Variants in KIR2DL3 observed in about 807,000 individuals in gnomAD.
The protein encoded by KIR2DL3 is killer cell immunoglobulin-like receptor 2DL3.
In KIR2DL3, 39 loss-of-function variants were observed where a neutral mutation model predicts 33.8. The observed-to-expected ratio is 1.15, with a 90% CI of 0.89 to 1.51. The LOEUF is 1.51. KIR2DL3 is among the 40% of genes most tolerant of loss of function. The pLI, the probability that KIR2DL3 is intolerant of heterozygous loss-of-function variation, is 0.00. For synonymous variants in KIR2DL3, 174 were observed against 160.2 expected, an observed-to-expected ratio of 1.09 and a Z score of -0.65; for missense variants, 462 against 426.2, an observed-to-expected ratio of 1.08 and a Z score of -0.74.
At position 54,738,518 on chromosome 19, in the gene KIR2DL3, G is replaced by A. The variant is rs111826346; in HGVS notation, c.-28G>A. ...GTGCGCTGCTGAGCTGAGCTGGGGCGCGGCCGCCTGTCTGCACAGACAGCA... is the reference window on the plus strand; with the variant it reads ...GTGCGCTGCTGAGCTGAGCTGGGGCACGGCCGCCTGTCTGCACAGACAGCA... On this transcript the variant is annotated 5_prime_UTR_variant, in exon 1 of 8. Coordinates refer to ENST00000342376, the MANE Select transcript of KIR2DL3 (RefSeq NM_015868.3). 6.7e-4 allele frequency: 1,075 copies of A among 1,613,980 alleles called. 9 individuals carry two copies. The Admixed American group carries it at 0.014, about 22-fold the overall frequency.
intron 1 of KIR2DL3, 84 bp downstream of exon 1, chr19:54,738,663 G>A: frequency 1.9e-6 from 3 of 1,593,596 alleles, no homozygotes; most frequent in Admixed American, 1.7e-5. Flanking sequence ...TGGAAGTGGA[G>A]TTATGGGCCT....
At chr19:54,747,819 C>T (rs1262959491) in intron 5 of KIR2DL3, among the ~76,000 whole-genome samples, 1 of 145,712 alleles carries the variant, frequency 6.9e-6, no homozygotes, top group Admixed American at 6.9e-5. Flanking sequence ...AGCAGAGCAA[C>T]AGCCTTGCCG....
In KIR2DL3 at chr19:54,743,906, C is replaced by T. The variant is rs2071695455; in HGVS notation, c.482C>T (p.Ser161Phe). ...SRSSYDMYHL[S>F]REGEAHERRF... is the part of the protein sequence containing the mutation. Reference sequence around the variant, plus strand: ...AGCTCCTATGACATGTACCATCTATCCAGGGAGGGGGAGGCCCATGAACGT... The same window carrying T: ...AGCTCCTATGACATGTACCATCTATTCAGGGAGGGGGAGGCCCATGAACGT... Residue 161 changes from serine to phenylalanine, a missense_variant, in exon 4 of 8, where the codon TCC becomes TTC. Ser to Phe is a radical substitution (Grantham distance 155). Coordinates refer to ENST00000342376, the MANE Select transcript of KIR2DL3 (RefSeq NM_015868.3). The T allele has an allele frequency of 6.2e-7, 1 of 1,614,088 alleles. No homozygotes were observed. Among genetic ancestry groups the T allele is most frequent in the Non-Finnish European group, 8.5e-7 (1 of 1,180,000 alleles).
At position 54,743,937 on chromosome 19, in the gene KIR2DL3, C is replaced by T. The variant is rs201689798; in HGVS notation, c.513C>T (p.Phe171=). Residue 171 remains phenylalanine (F), a synonymous_variant, in exon 4 of 8, where the codon TTC becomes TTT. Transcript: ENST00000342376. ...SREGEAHERR[F]SAGPKVNGTF... is the part of the protein sequence containing the mutation. ...AGGGGGAGGCCCATGAACGTAGGTT[C>T]TCTGCAGGGCCCAAGGTCAACGGAA... 6.2e-7 allele frequency: 1 copy of T among 1,614,174 alleles called. No homozygotes were observed. The highest frequency in any genetic ancestry group is 2.2e-5 in the East Asian group (1 of 44,886).
chr19:54,740,507 G>C (rs1354104956), intron 2 of KIR2DL3, among the ~76,000 whole-genome samples: 1 of 150,460 alleles, frequency 6.6e-6, no homozygotes, highest in African/African-American at 2.4e-5. Context: ...CACTCCCCCA[G>C]TGGGTGGTCA....
At chr19:54,741,505 G>C (rs1442940853) in intron 2 of KIR2DL3, among the ~76,000 whole-genome samples, 1 of 151,730 alleles carries the variant, frequency 6.6e-6, no homozygotes. Flanking sequence ...TGGCACCATG[G>C]AGAAGGCACA....
intron 5 of KIR2DL3, among the ~76,000 whole-genome samples, chr19:54,750,313 T>G (rs1321681935): frequency 7.1e-6 from 1 of 140,454 alleles, no homozygotes; most frequent in Non-Finnish European, 1.6e-5. Flanking sequence ...CTGCTCCCCT[T>G]TCCTACTAAT....
intron 4 of KIR2DL3, among the ~76,000 whole-genome samples, chr19:54,744,946 A>ATT (rs2072158208): frequency 3.8e-5 from 1 of 26,208 alleles, no homozygotes; most frequent in African/African-American, 1.3e-4. Context: ...ATATATATAT[A>ATT]TATATATATT....
rs866678775 is a variant in KIR2DL3 at position 54,741,545 on chromosome 19, C to G, written c.71-435C>G. ...TGGCAAGAGTGGCTCCCAGTCCCCA[C>G]CAGGAACAGGGTGTGTGGACACTGG... On this transcript the variant is annotated intron_variant, in intron 2 of 7. Transcript: ENST00000342376. Among the ~76,000 whole-genome samples, 1,289 of 152,030 alleles carry G rather than the reference C, an allele frequency of 8.5e-3. 16 individuals carry two copies. Among genetic ancestry groups the G allele is most frequent in the African/African-American group, 0.029 (1,219 of 41,448 alleles).
chr19:54,747,318 C>A lies in KIR2DL3; in HGVS notation c.665-17C>A, dbSNP rs746870717. ...GACACCCTCATTTCCTCACCTCTCT[C>A]CTGTCTCGTGTTCTAGGAAACCCTT... is the stretch of plus-strand genomic sequence containing the variant. On this transcript the variant is annotated splice_polypyrimidine_tract_variant and intron_variant, in intron 4 of 7. Coordinates refer to ENST00000342376, the MANE Select transcript of KIR2DL3 (RefSeq NM_015868.3). 12 of 1,610,526 alleles carry A rather than the reference C, an allele frequency of 7.5e-6. No homozygotes were observed. The South Asian group carries it at 1.3e-4, about 18-fold the overall frequency.
chr19:54,740,462 AC>A (rs34928845), intron 2 of KIR2DL3, among the ~76,000 whole-genome samples: 40,821 of 145,666 alleles, frequency 0.28, 5,086 homozygotes, highest in South Asian at 0.37. Context: ...ACCCCCGCAC[AC>A]ACAGGGACAT....
chr19:54,744,948 ATATATATTTTTTTT>A (rs1363217525), intron 4 of KIR2DL3, among the ~76,000 whole-genome samples: 7 of 26,254 alleles, frequency 2.7e-4, no homozygotes, highest in African/African-American at 5.3e-4. Flanking sequence ...ATATATATAT[ATATATATTTTTTTT>A]TTTTTTTTTT....
chr19:54,742,422 A>G lies in KIR2DL3; in HGVS notation c.370+143A>G, dbSNP rs573423348. 2.3e-5 allele frequency: 28 copies of G among 1,228,482 alleles called. 1 individual carries two copies. In the African/African-American group the frequency reaches 3.2e-4, roughly 14 times the overall value. 76.1% of individuals were successfully genotyped at this position (1,228,482 alleles called of 1,614,324 possible). On this transcript the variant is annotated intron_variant, in intron 3 of 7. Coordinates refer to ENST00000342376, the MANE Select transcript of KIR2DL3 (RefSeq NM_015868.3). ...CTTGCTGAGGTTTGTACCAACAGAG[A>G]CAGAGAAACAGGAGACACAAGTACA...
chr19:54,744,950 A>ATTT (rs2072171546), intron 4 of KIR2DL3, among the ~76,000 whole-genome samples: 8 of 26,786 alleles, frequency 3.0e-4, no homozygotes, highest in East Asian at 8.4e-4. Context: ...ATATATATAT[A>ATTT]TATATTTTTT....
chr19:54,738,799 G>T (rs2070302582), intron 1 of KIR2DL3, among the ~76,000 whole-genome samples: 1 of 149,226 alleles, frequency 6.7e-6, no homozygotes. Flanking sequence ...TTGTAGTGGA[G>T]ACATGGGCCT....
rs2071737865 is a variant in KIR2DL3, at chr19:54,744,003, AGGAACCTACAG to A, written c.580_590del (p.Gly194MetfsTer7). On this transcript the variant is annotated frameshift_variant, in exon 4 of 8. Coordinates refer to ENST00000342376, the MANE Select transcript of KIR2DL3 (RefSeq NM_015868.3). LOFTEE classifies it high-confidence loss of function. ...TTCCTCTGGGCCCTGCCACCCACGG[AGGAACCTACAG>A]ATGCTTCGGCTCTTTCCGTGACTCT... is the stretch of plus-strand genomic sequence containing the variant. 6.2e-7 allele frequency: 1 copy of A among 1,614,072 alleles called. No individual in the cohort carries two copies. Among genetic ancestry groups the A allele is most frequent in the Admixed American group, 1.7e-5 (1 of 60,012 alleles).
intron 5 of KIR2DL3, 113 bp downstream of exon 5, chr19:54,747,498 C>T (rs2072732767): frequency 2.2e-6 from 3 of 1,363,878 alleles, no homozygotes; most frequent in Non-Finnish European, 3.1e-6. Flanking sequence ...CTGTCTTCTA[C>T]CATCTCCGAA....
At chr19:54,743,393 A>G (rs1188474614) in intron 3 of KIR2DL3, among the ~76,000 whole-genome samples, 13 of 152,334 alleles carry the variant, frequency 8.5e-5, no homozygotes, top group South Asian at 4.1e-4. Flanking sequence ...ATATATAGAT[A>G]TAGATGACAG....
intron 5 of KIR2DL3, among the ~76,000 whole-genome samples, chr19:54,748,352 A>T (rs2072886359): frequency 6.7e-6 from 1 of 148,670 alleles, no homozygotes; most frequent in South Asian, 2.2e-4. Context: ...AGTTCAGCTG[A>T]TTAGCAACCG....
Sources: allele counts gnomAD v4.1 joint callset (sites outside exome capture counted in the v4.1 genomes callset), GRCh38; gene constraint gnomAD v4.1.1; transcripts MANE v1.5; gene names NCBI Gene and HGNC (gene_info 2026-07-23, HGNC 2026-07-21).